Variants in CNST observed in about 807,000 individuals in gnomAD.
CNST encodes the protein consortin, connexin sorting protein, also known as consortin.
CNST carries 39 observed loss-of-function variants against 72.4 expected under a neutral mutation model. The ratio of observed to expected loss-of-function variants is 0.54; its 90% CI spans 0.42 to 0.70. The LOEUF is 0.70. Among genes scored for constraint, CNST ranks in the 30% least tolerant of loss-of-function variants. The pLI is 0.00. For synonymous variants in CNST, 332 were observed against 320.1 expected, an observed-to-expected ratio of 1.04 and a Z score of -0.40; for missense variants, 871 against 868.5, an observed-to-expected ratio of 1.00 and a Z score of -0.04.
intron 3 of CNST, among the ~76,000 whole-genome samples, chr1:246,626,195 G>A (rs998656216): frequency 2.6e-5 from 4 of 151,792 alleles, no homozygotes; most frequent in East Asian, 1.9e-4. Context: ...GACTGCAGGC[G>A]CATGCCACCG....
At chr1:246,600,761 C>T (rs927080228) in intron 2 of CNST, among the ~76,000 whole-genome samples, 1 of 152,104 alleles carries the variant, frequency 6.6e-6, no homozygotes, top group Admixed American at 6.6e-5. Context: ...GTGTCGTAGA[C>T]GTCTGAGTAG....
intron 3 of CNST, among the ~76,000 whole-genome samples, chr1:246,628,090 G>A (rs574629430): frequency 1.3e-5 from 2 of 152,166 alleles, no homozygotes; most frequent in East Asian, 3.9e-4. Flanking sequence ...GAAAGATGTG[G>A]GCTGGGAGGC....
intron 8 of CNST, 96 bp downstream of exon 8, chr1:246,642,133 G>A (rs12748305): frequency 5.4e-6 from 1 of 186,058 alleles, no homozygotes; most frequent in Non-Finnish European, 9.3e-6. Context: ...AAAGGATCTG[G>A]TTTTTTTTTT....
intron 9 of CNST, among the ~76,000 whole-genome samples, chr1:246,651,147 T>C (rs1354388586): frequency 6.6e-6 from 1 of 152,176 alleles, no homozygotes; most frequent in Non-Finnish European, 1.5e-5. Flanking sequence ...TTTTTTTTTA[T>C]GCTTCCTTCC....
At chr1:246,570,896 G>A (rs1660028795) in intron 1 of CNST, among the ~76,000 whole-genome samples, 2 of 152,104 alleles carry the variant, frequency 1.3e-5, no homozygotes, top group South Asian at 4.1e-4. Context: ...AGCATTATAT[G>A]CTTAATGAGA....
intron 2 of CNST, among the ~76,000 whole-genome samples, chr1:246,603,609 T>C (rs1042282771): frequency 6.6e-6 from 1 of 152,250 alleles, no homozygotes. Context: ...AGAGGTTATA[T>C]GCATGCTATT....
chr1:246,629,971 A>G (rs1664674412), intron 3 of CNST, among the ~76,000 whole-genome samples: 1 of 152,226 alleles, frequency 6.6e-6, no homozygotes, highest in South Asian at 2.1e-4. Flanking sequence ...AACTCAAATT[A>G]TCTGCCTGCT....
At chr1:246,649,681 T>A (rs943164910) in intron 9 of CNST, among the ~76,000 whole-genome samples, 1 of 152,026 alleles carries the variant, frequency 6.6e-6, no homozygotes, top group African/African-American at 2.4e-5. Flanking sequence ...ATTTCAACAT[T>A]TGACTAGTTA....
intron 8 of CNST, 53 bp from the exon 9 acceptor site, chr1:246,647,086 C>G (rs1666128535): frequency 2.0e-6 from 3 of 1,491,298 alleles, no homozygotes; most frequent in East Asian, 4.5e-5. Flanking sequence ...CTTTTCCTTC[C>G]TATACAAAGT....
intron 10 of CNST, 68 bp from the exon 11 acceptor site, chr1:246,665,632 A>C: frequency 7.6e-7 from 1 of 1,307,808 alleles, no homozygotes; most frequent in Non-Finnish European, 1.1e-6. Context: ...TTAATTAGTG[A>C]AAAGACAGCA....
In CNST at chr1:246,647,256, C is replaced by T. The variant is rs772749691; in HGVS notation, c.1055C>T (p.Ser352Leu). ...GTGCAAACAGATTCCCCAAGCCTTT[C>T]GGTAACTGCAGGAAAGGACCACATG... ...MDVQTDSPSL[S>L]VTAGKDHMEE... Residue 352 changes from serine to leucine, a missense_variant, in exon 9 of 11, where the codon TCG (serine) becomes TTG (leucine). Transcript: ENST00000366513. 1.5e-5 allele frequency: 24 copies of T among 1,614,048 alleles called. 1 individual carries two copies. Among genetic ancestry groups the T allele is most frequent in the East Asian group, 1.3e-4 (6 of 44,890 alleles).
intron 9 of CNST, among the ~76,000 whole-genome samples, chr1:246,649,526 TCTGA>T (rs1666334438): frequency 6.6e-6 from 1 of 152,188 alleles, no homozygotes; most frequent in Admixed American, 6.6e-5. Context: ...GTTACCATTG[TCTGA>T]CTGTCCTTTC....
chr1:246,592,501 G>T (rs1037250011), intron 2 of CNST, among the ~76,000 whole-genome samples: 3 of 152,052 alleles, frequency 2.0e-5, no homozygotes, highest in Non-Finnish European at 4.4e-5. Context: ...AAAAAGAAAA[G>T]AAAAAGTGCT....
intron 9 of CNST, 152 bp downstream of exon 9, chr1:246,648,189 TA>T: frequency 7.1e-7 from 1 of 1,418,070 alleles, no homozygotes; most frequent in Non-Finnish European, 9.2e-7. Flanking sequence ...TAGTAGTTTT[TA>T]CATTTGTATG....
At chr1:246,575,115 T>C (rs1388320885) in intron 1 of CNST, among the ~76,000 whole-genome samples, 2 of 152,050 alleles carry the variant, frequency 1.3e-5, no homozygotes, top group African/African-American at 2.4e-5. Flanking sequence ...CGCCTCAGCC[T>C]CCCGAGTAGC....
chr1:246,595,339 G>A (rs901697905), intron 2 of CNST, among the ~76,000 whole-genome samples: 2 of 152,114 alleles, frequency 1.3e-5, no homozygotes, highest in East Asian at 1.9e-4. Context: ...CTCTCAGTAC[G>A]TATCCATCAC....
At position 246,615,363 on chromosome 1, in the gene CNST, G is replaced by C. The variant is rs1207466060; in HGVS notation, c.380-6066G>C. Among the ~76,000 whole-genome samples the C allele has an allele frequency of 2.6e-5, 4 of 151,896 alleles. No individual in the cohort carries two copies. In the East Asian group the frequency reaches 7.9e-4, roughly 30 times the overall value. On this transcript the variant is annotated intron_variant, in intron 2 of 10. Transcript: ENST00000366513. ...GCTAATTTTTTGTATTTTTAGTAGA[G>C]TCGGGGTTTCACCGTGTTAGCCAGG...
chr1:246,621,339 C>A, intron 2 of CNST, 90 bp from the exon 3 acceptor site: 1 of 1,024,052 alleles, frequency 9.8e-7, no homozygotes. Flanking sequence ...TTTGGGCAAG[C>A]CAGGGCATCA....
chr1:246,624,984 C>T (rs1049190331), intron 3 of CNST, among the ~76,000 whole-genome samples: 1 of 152,106 alleles, frequency 6.6e-6, no homozygotes, highest in Admixed American at 6.5e-5. Flanking sequence ...CGTGCACACA[C>T]ACGTATTTTT....
Sources: gnomAD v4.1 joint callset for allele counts (sites outside exome capture counted in the v4.1 genomes callset) on GRCh38, gnomAD v4.1.1 for gene constraint, MANE v1.5 for transcripts, NCBI Gene and HGNC (gene_info 2026-07-23, HGNC 2026-07-21) for gene names.